Variants in TXNRD1 observed in about 807,000 individuals in gnomAD.
TXNRD1 encodes the protein thioredoxin reductase 1, cytoplasmic.
TXNRD1 carries 57 observed loss-of-function variants against 80.3 expected under a neutral mutation model. That is an observed-to-expected ratio of 0.71 (90% confidence interval 0.57 to 0.89). TXNRD1 has a LOEUF of 0.89. Among genes scored for constraint, TXNRD1 ranks in the 40% least tolerant of loss-of-function variants. The probability of loss-of-function intolerance (pLI) is 0.00; values close to 1 mark genes in which losing one functional copy is unlikely to be tolerated. For missense variants in TXNRD1, 730 were observed against 803.0 expected, an observed-to-expected ratio of 0.91 and a Z score of 1.10; for synonymous variants, 291 against 285.2, an observed-to-expected ratio of 1.02 and a Z score of -0.20.
intron 1 of TXNRD1, among the ~76,000 whole-genome samples, chr12:104,245,794 T>C (rs2032972227): frequency 1.3e-5 from 2 of 152,020 alleles, no homozygotes; most frequent in Non-Finnish European, 2.9e-5. Context: ...CTGGGAGTTT[T>C]CATTTTTTTT....
In TXNRD1 at chr12:104,254,644, A is replaced by AAAAAAAAAAATATATATATATATAT; in HGVS notation, c.243+2967_243+2968insAAAAAAAAATATATATATATATATA. ...CTATGTCTATGGAAAAAAAAAAAAA[A>AAAAAAAAAAATATATATATATATAT]ATATATATATATATATATATATCAG... is the stretch of plus-strand genomic sequence containing the variant. On this transcript the variant is annotated intron_variant, in intron 2 of 16. Transcript: ENST00000525566. Among the ~76,000 whole-genome samples, 13 of 93,604 alleles carry AAAAAAAAAAATATATATATATATAT rather than the reference A, an allele frequency of 1.4e-4. No individual in the cohort carries two copies. The East Asian group carries it at 1.9e-3, about 14-fold the overall frequency. The allele number at this position is 93,604 out of a possible 152,430, so 61.4% of individuals were successfully genotyped here.
chr12:104,276,134 T>C (rs1565873725), intron 3 of TXNRD1, among the ~76,000 whole-genome samples: 1 of 152,166 alleles, frequency 6.6e-6, no homozygotes, highest in Non-Finnish European at 1.5e-5. Context: ...CCTGGGCACA[T>C]TTGAAGGCGG....
At chr12:104,252,279 A>C (rs2033136130) in intron 2 of TXNRD1, among the ~76,000 whole-genome samples, 1 of 152,032 alleles carries the variant, frequency 6.6e-6, no homozygotes, top group Non-Finnish European at 1.5e-5. Context: ...TCTGTAGGGA[A>C]TATTTCATAA....
At chr12:104,298,808 G>GCT (rs539450493) in intron 4 of TXNRD1, among the ~76,000 whole-genome samples, 1 of 148,676 alleles carries the variant, frequency 6.7e-6, no homozygotes, top group Admixed American at 6.7e-5. Context: ...TTTGTATACA[G>GCT]TTTTTTTTTT....
chr12:104,275,048 A>T (rs1311046484), intron 3 of TXNRD1, among the ~76,000 whole-genome samples: 1 of 152,200 alleles, frequency 6.6e-6, no homozygotes, highest in East Asian at 1.9e-4. Flanking sequence ...TGTAATGCAG[A>T]ATGCAGGCAC....
chr12:104,320,415 A>G (rs531479031), intron 9 of TXNRD1, among the ~76,000 whole-genome samples: 32 of 152,248 alleles, frequency 2.1e-4, no homozygotes, highest in Non-Finnish European at 4.1e-4. Flanking sequence ...CTCATGGCCT[A>G]ATCACCTCCC....
At chr12:104,241,317 A>T (rs1374211752) in intron 1 of TXNRD1, among the ~76,000 whole-genome samples, 3 of 150,704 alleles carry the variant, frequency 2.0e-5, no homozygotes, top group Non-Finnish European at 4.4e-5. Context: ...GAGATTACAG[A>T]CGTGAGCCAC....
intron 4 of TXNRD1, among the ~76,000 whole-genome samples, chr12:104,298,533 G>A (rs1055350655): frequency 4.6e-5 from 7 of 152,000 alleles, no homozygotes; most frequent in African/African-American, 1.7e-4. Context: ...AGACTAGCCT[G>A]GCCAACATGG....
In TXNRD1 at chr12:104,289,634, C is replaced by T. The variant is rs2034108598; in HGVS notation, c.414+594C>T. The stretch of plus-strand genomic sequence containing the variant: ...GTAGCAAACGCAGTAGAAATCCTTC[C>T]TTAGACCTATGCTACTGAGGAGTTA... On this transcript the variant is annotated intron_variant, in intron 4 of 16. Transcript: ENST00000525566. 2.0e-5 allele frequency: 3 copies of T among 152,470 alleles called. No individual in the cohort carries two copies. In the South Asian group the frequency reaches 6.2e-4, roughly 31 times the overall value. The allele number at this position is 152,470 out of a possible 1,614,324, so 9.4% of individuals were successfully genotyped here.
At chr12:104,253,233 C>T (rs182316069) in intron 2 of TXNRD1, among the ~76,000 whole-genome samples, 60 of 152,156 alleles carry the variant, frequency 3.9e-4, no homozygotes, top group African/African-American at 1.2e-3. Flanking sequence ...GGAAGGTGGG[C>T]GGCAAAAACA....
chr12:104,266,088 G>C (rs556068808), intron 3 of TXNRD1, among the ~76,000 whole-genome samples: 1 of 152,042 alleles, frequency 6.6e-6, no homozygotes, highest in Non-Finnish European at 1.5e-5. Flanking sequence ...ATTTTTTCCT[G>C]TATGTTGTAT....
intron 1 of TXNRD1, among the ~76,000 whole-genome samples, chr12:104,221,638 G>T (rs1565850003): frequency 6.6e-6 from 1 of 152,048 alleles, no homozygotes; most frequent in Non-Finnish European, 1.5e-5. Context: ...TTTAGTGGTA[G>T]TGCAGTGGTT....
At chr12:104,252,343 G>C (rs2033137285) in intron 2 of TXNRD1, among the ~76,000 whole-genome samples, 1 of 151,616 alleles carries the variant, frequency 6.6e-6, no homozygotes, top group Non-Finnish European at 1.5e-5. Flanking sequence ...TTCATGCTTT[G>C]GTTTATTATG....
intron 3 of TXNRD1, among the ~76,000 whole-genome samples, chr12:104,272,278 A>C (rs192125256): frequency 1.3e-5 from 2 of 152,244 alleles, no homozygotes; most frequent in Non-Finnish European, 2.9e-5. Flanking sequence ...CCTATTGGCT[A>C]AGGTTAGATC....
chr12:104,320,825 T>C (rs1337278089), intron 9 of TXNRD1, among the ~76,000 whole-genome samples: 1 of 152,142 alleles, frequency 6.6e-6, no homozygotes, highest in Non-Finnish European at 1.5e-5. Flanking sequence ...TGAAGATGAA[T>C]TGGACTAACT....
chr12:104,235,832 C>A (rs2032726745), intron 1 of TXNRD1, among the ~76,000 whole-genome samples: 1 of 152,140 alleles, frequency 6.6e-6, no homozygotes, highest in African/African-American at 2.4e-5. Flanking sequence ...GGAACATAAC[C>A]TGTAGCCACG....
rs545150866 is a variant in TXNRD1 at position 104,305,033 on chromosome 12, GAA to G, written c.415-6253_415-6252del. 4.7e-6 allele frequency: 6 copies of G among 1,264,072 alleles called. No homozygotes were observed. The African/African-American group carries it at 7.6e-5, about 16-fold the overall frequency. 78.3% of individuals were successfully genotyped at this position (1,264,072 alleles called of 1,614,324 possible). A position where few individuals can be genotyped will look rare whatever the true frequency, so the allele number is the denominator to read the frequency against. ...GCACATATTGTATCTCTTGTAAAGT[GAA>G]AAAGTATTTTCAAGAACATCAGACA... On this transcript the variant is annotated intron_variant, in intron 4 of 16. Coordinates refer to ENST00000525566, the MANE Select transcript of TXNRD1 (RefSeq NM_001093771.3).
At chr12:104,320,306 G>A (rs1019745802) in intron 9 of TXNRD1, among the ~76,000 whole-genome samples, 1 of 152,100 alleles carries the variant, frequency 6.6e-6, no homozygotes, top group African/African-American at 2.4e-5. Context: ...GCTCTTTTTG[G>A]TATATGCTTT....
intron 4 of TXNRD1, among the ~76,000 whole-genome samples, chr12:104,293,709 C>T (rs760305585): frequency 1.3e-5 from 2 of 151,942 alleles, no homozygotes; most frequent in African/African-American, 2.4e-5. Flanking sequence ...CTGTGTGCGG[C>T]GACGAGAGAG....
Sources: allele counts gnomAD v4.1 joint callset (sites outside exome capture counted in the v4.1 genomes callset), GRCh38; gene constraint gnomAD v4.1.1; transcripts MANE v1.5; gene names NCBI Gene and HGNC (gene_info 2026-07-23, HGNC 2026-07-21).